AP1B1: variants seen among roughly 807,000 people sequenced by gnomAD.
AP1B1 encodes the protein adaptor related protein complex 1 subunit beta 1.
Under a neutral mutation model 104.3 loss-of-function variants are expected in AP1B1, and 36 were observed. The ratio of observed to expected loss-of-function variants is 0.35; its 90% CI spans 0.26 to 0.46. The LOEUF (loss-of-function observed/expected upper bound fraction) is 0.46. AP1B1 is among the 20% of genes least tolerant of loss of function. AP1B1 has a pLI of 1.00. For missense variants in AP1B1, 901 were observed against 1,247.9 expected (o/e 0.72, Z 4.19); for synonymous variants, 504 against 517.5 (o/e 0.97, Z 0.35).
intron 22 of AP1B1, 154 bp from the exon 23 acceptor site, chr22:29,329,049 C>T (rs985678661): frequency 1.2e-5 from 17 of 1,437,320 alleles, no homozygotes; most frequent in South Asian, 1.1e-4. Flanking sequence ...TGAGGTAAAG[C>T]GGAGGGGGCG....
intron 1 of AP1B1, among the ~76,000 whole-genome samples, chr22:29,371,741 C>CA (rs1368032969): frequency 6.6e-6 from 1 of 151,908 alleles, no homozygotes; most frequent in Non-Finnish European, 1.5e-5. Context: ...AAAAAAAAGC[C>CA]AGCAAATTTA....
At chr22:29,366,275 G>A (rs2062134212) in intron 2 of AP1B1, among the ~76,000 whole-genome samples, 1 of 152,220 alleles carries the variant, frequency 6.6e-6, no homozygotes, top group South Asian at 2.1e-4. Context: ...TTAATAGTGA[G>A]TCATTAGAAT....
intron 17 of AP1B1, 145 bp downstream of exon 17, chr22:29,334,120 G>A (rs2061602423): frequency 9.8e-6 from 9 of 913,768 alleles, no homozygotes; most frequent in South Asian, 3.9e-5. Flanking sequence ...TGGCCTGAGC[G>A]GTGGTGGGGA....
At chr22:29,333,958 G>A (rs1335658004) in intron 17 of AP1B1, among the ~76,000 whole-genome samples, 2 of 152,106 alleles carry the variant, frequency 1.3e-5, no homozygotes, top group East Asian at 1.9e-4. Context: ...CCAGTTACTC[G>A]GGAGGCTGAG....
chr22:29,367,155 A>G (rs951939240), intron 2 of AP1B1, 52 bp downstream of exon 2: 5 of 1,567,832 alleles, frequency 3.2e-6, no homozygotes, highest in Non-Finnish European at 4.4e-6. Context: ...GGAAAACAGA[A>G]GGGACAGGAA....
At chr22:29,359,116 C>A in intron 4 of AP1B1, 145 bp from the exon 5 acceptor site, 1 of 801,826 alleles carries the variant, frequency 1.2e-6, no homozygotes, top group Non-Finnish European at 1.9e-6. Flanking sequence ...CAGCCAACAA[C>A]AGCAAAAGTA....
chr22:29,359,985 T>C (rs373208542), intron 3 of AP1B1, 26 bp from the exon 4 acceptor site: 69 of 1,605,794 alleles, frequency 4.3e-5, no homozygotes, highest in Non-Finnish European at 5.5e-5. Context: ...GGTGTCAGCA[T>C]GGGAAAGGCT....
At chr22:29,356,346 C>T in intron 6 of AP1B1, 80 bp downstream of exon 6, 2 of 1,442,978 alleles carry the variant, frequency 1.4e-6, no homozygotes, top group Non-Finnish European at 1.9e-6. Context: ...CCACTAAGGC[C>T]CAAGGCCCAG....
intron 11 of AP1B1, among the ~76,000 whole-genome samples, chr22:29,348,362 T>C (rs146145100): frequency 1.4e-3 from 208 of 152,372 alleles, no homozygotes; most frequent in African/African-American, 4.6e-3. Flanking sequence ...TTCACATTTT[T>C]GAGCTTTTTG....
chr22:29,332,534 T>C (rs1196551186), intron 17 of AP1B1, among the ~76,000 whole-genome samples: 1 of 152,180 alleles, frequency 6.6e-6, no homozygotes, highest in Admixed American at 6.5e-5. Flanking sequence ...TCACAGGGCA[T>C]GGGACTGGGG....
chr22:29,335,201 C>G (rs2061620856), intron 16 of AP1B1, among the ~76,000 whole-genome samples: 1 of 152,146 alleles, frequency 6.6e-6, no homozygotes, highest in Non-Finnish European at 1.5e-5. Flanking sequence ...GAGTTAGAGC[C>G]CTGCCATGGA....
chr22:29,369,629 G>A lies in AP1B1; in HGVS notation c.-27-2359C>T, dbSNP rs997211288. Among the ~76,000 whole-genome samples, 144 of 152,282 alleles carry A rather than the reference G, an allele frequency of 9.5e-4. 1 individual carries two copies. The highest frequency in any genetic ancestry group is 8.3e-4 in the South Asian group (4 of 4,828). On this transcript the variant is annotated intron_variant, in intron 1 of 22. Coordinates refer to ENST00000357586, the MANE Select transcript of AP1B1 (RefSeq NM_001127.4). ...AGACAGATCCACAAAGGAAGGCCCC[G>A]CATGCGCCAGGCTCACAGCTCCCGT...
intron 1 of AP1B1, among the ~76,000 whole-genome samples, chr22:29,384,300 T>C (rs956807681): frequency 6.6e-6 from 1 of 152,086 alleles, no homozygotes; most frequent in Non-Finnish European, 1.5e-5. Flanking sequence ...CTGGAAGCCC[T>C]GAAACACCCT....
At chr22:29,331,660 A>G in intron 18 of AP1B1, 127 bp from the exon 19 acceptor site, 2 of 1,585,796 alleles carry the variant, frequency 1.3e-6, no homozygotes, top group South Asian at 1.1e-5. Context: ...TCGTTCCCCA[A>G]CCTGGGCCTC....
Position 29,350,465 on chromosome 22 carries a change from C to T in AP1B1, c.1156-315G>A, listed in dbSNP as rs183555469. 4.0e-3 allele frequency among the ~76,000 whole-genome samples: 614 copies of T among 152,278 alleles called. 2 individuals carry two copies. Among genetic ancestry groups the T allele is most frequent in the Non-Finnish European group, 6.1e-3 (417 of 68,016 alleles). On this transcript the variant is annotated intron_variant, in intron 9 of 22. Transcript: ENST00000357586. Reference sequence around the variant, plus strand: ...TGACTACGCTGCAGTCCAACCCCACCTCTCTTTTTACTTGTTTCAGAAAGG... The same window carrying T: ...TGACTACGCTGCAGTCCAACCCCACTTCTCTTTTTACTTGTTTCAGAAAGG...
chr22:29,352,804 A>C (rs2061897151), intron 7 of AP1B1, among the ~76,000 whole-genome samples: 1 of 152,164 alleles, frequency 6.6e-6, no homozygotes, highest in African/African-American at 2.4e-5. Context: ...GAGTCCTGTG[A>C]GTACTGCTAG....
chr22:29,371,213 G>A (rs150742329), intron 1 of AP1B1, among the ~76,000 whole-genome samples: 19 of 152,274 alleles, frequency 1.2e-4, no homozygotes, highest in African/African-American at 4.6e-4. Flanking sequence ...TTGCCTCTTG[G>A]ATGGATATCA....
intron 14 of AP1B1, 75 bp from the exon 15 acceptor site, chr22:29,339,849 G>A: frequency 6.8e-7 from 1 of 1,463,074 alleles, no homozygotes; most frequent in Admixed American, 1.9e-5. Flanking sequence ...GGAAGACAGA[G>A]AAACAAGAGA....
intron 1 of AP1B1, among the ~76,000 whole-genome samples, chr22:29,378,577 AGGCCGGGCGCAGT>A (rs1250539063): frequency 7.5e-6 from 1 of 133,198 alleles, no homozygotes; most frequent in Admixed American, 7.4e-5. Context: ...AAAAAAAAAA[AGGCCGGGCGCAGT>A]GGCTCACGCC....
Sources: allele counts gnomAD v4.1 joint callset (sites outside exome capture counted in the v4.1 genomes callset), GRCh38; gene constraint gnomAD v4.1.1; transcripts MANE v1.5; gene names NCBI Gene and HGNC (gene_info 2026-07-23, HGNC 2026-07-21).